The following RBM5 variants were observed in gnomAD, a reference collection of about 807,000 sequenced individuals.
RBM5 encodes RNA-binding protein 5.
A neutral mutation model predicts 124.6 loss-of-function variants in RBM5; 15 were observed. The ratio of observed to expected loss-of-function variants is 0.12; its 90% confidence interval spans 0.08 to 0.19. RBM5 has a LOEUF of 0.19. RBM5 is among the 10% of genes least tolerant of loss of function. The pLI is 1.00. For synonymous variants in RBM5, 337 were observed against 361.2 expected (o/e 0.93, Z 0.76); for missense variants, 580 against 1,026.5 (o/e 0.57, Z 5.94).
intron 22 of RBM5, chr3:50,116,698 T>A (rs1427298637): frequency 3.4e-6 from 1 of 297,314 alleles, no homozygotes; most frequent in South Asian, 3.2e-5. Flanking sequence ...GTTGGAGGTA[T>A]GCCTTTCCAA....
At chr3:50,108,197 G>A (rs1290612933) in intron 13 of RBM5, 35 bp from the exon 14 acceptor site, 1 of 1,604,152 alleles carries the variant, frequency 6.2e-7, no homozygotes, top group Non-Finnish European at 8.5e-7. Context: ...GAGTGTGTCT[G>A]AGAATAGCAG....
Position 50,115,519 on chromosome 3 carries a change from GGAA to G in RBM5, c.1937_1939del (p.Lys646del). On this transcript the variant is annotated inframe_deletion, in exon 21 of 25. Transcript: ENST00000347869. The stretch of plus-strand genomic sequence containing the variant: ...AGTGAGGAAGAGAAGCTAGCTGACT[GGAA>G]GAAGATGGCCTGTCTGCTCTGCCGG... 1 of 1,614,000 alleles carries G rather than the reference GGAA, an allele frequency of 6.2e-7. No individual in the cohort carries two copies. Among genetic ancestry groups the G allele is most frequent in the African/African-American group, 1.3e-5 (1 of 75,028 alleles).
chr3:50,110,091 A>G (rs1376327272), intron 15 of RBM5, among the ~76,000 whole-genome samples: 3 of 152,302 alleles, frequency 2.0e-5, no homozygotes, highest in East Asian at 1.9e-4. Flanking sequence ...CATGCCTGTA[A>G]TCCCAGCTAC....
At chr3:50,092,430 G>C (rs2090720076) in intron 3 of RBM5, among the ~76,000 whole-genome samples, 1 of 151,890 alleles carries the variant, frequency 6.6e-6, no homozygotes, top group South Asian at 2.1e-4. Context: ...GTGGGGTGGT[G>C]GGCGCCTGTA....
chr3:50,108,378 C>T, intron 14 of RBM5, 74 bp downstream of exon 14: 1 of 1,360,832 alleles, frequency 7.3e-7, no homozygotes, highest in Non-Finnish European at 1.0e-6. Context: ...AATGTCCTAA[C>T]TGGACCAAAA....
chr3:50,094,716 CTG>C (rs927639049), intron 4 of RBM5, among the ~76,000 whole-genome samples: 5 of 152,164 alleles, frequency 3.3e-5, no homozygotes, highest in Non-Finnish European at 7.3e-5. Context: ...GCCCTCTTGT[CTG>C]TGACCTTTCA....
intron 3 of RBM5, 111 bp downstream of exon 3, chr3:50,092,319 T>A: frequency 8.0e-7 from 1 of 1,254,002 alleles, no homozygotes. Context: ...CCTATCACTT[T>A]GGGAGGCCAA....
intron 4 of RBM5, among the ~76,000 whole-genome samples, chr3:50,095,321 A>G (rs547236237): frequency 1.5e-4 from 23 of 152,328 alleles, no homozygotes; most frequent in African/African-American, 3.8e-4. Context: ...AAGATAATCA[A>G]TATATTTTTA....
At position 50,103,201 on chromosome 3, in the gene RBM5, C is replaced by T. The variant is rs749497179; in HGVS notation, c.567+35C>T. 2.0e-6 allele frequency: 3 copies of T among 1,491,468 alleles called. No individual in the cohort carries two copies. In the East Asian group the frequency reaches 6.8e-5, roughly 34 times the overall value. The allele number at this position is 1,491,468 out of a possible 1,614,324, so 92.4% of individuals were successfully genotyped here. On this transcript the variant is annotated intron_variant, in intron 7 of 24. Coordinates refer to ENST00000347869, the MANE Select transcript of RBM5 (RefSeq NM_005778.4). ...TGTTCTTCCCAAATAGACAAAACTC[C>T]TTTAGGATATTGCTGTTTTTTTCTG...
chr3:50,115,272 C>A, intron 20 of RBM5, 156 bp from the exon 21 acceptor site: 1 of 856,056 alleles, frequency 1.2e-6, no homozygotes, highest in Non-Finnish European at 1.8e-6. Context: ...CTGACTGCTC[C>A]ACGCAGTTGA....
rs751289041 is a variant in RBM5, at chr3:50,093,781, A to T, written c.245A>T (p.Tyr82Phe). 2.5e-6 allele frequency: 4 copies of T among 1,613,970 alleles called. No individual in the cohort carries two copies. The Admixed American group carries it at 5.0e-5, about 20-fold the overall frequency. The change falls in exon 4 of 25, where the codon TAT becomes TTT. Residue 82 changes from tyrosine to phenylalanine, a missense_variant. Physicochemically the swap from Tyr to Phe is conservative, Grantham distance 22 (BLOSUM62 3). Transcript: ENST00000347869. Reference sequence around the variant, plus strand: ...GATGGCTACCATTCAGATGGTGACTATGGTGAGCACGACTATAGGCATGAC... The same window carrying T: ...GATGGCTACCATTCAGATGGTGACTTTGGTGAGCACGACTATAGGCATGAC... ...SEDGYHSDGD[Y>F]GEHDYRHDIS...
rs966863255 is a variant in RBM5 at position 50,105,817 on chromosome 3, G to T, written c.855+108G>T. 1.1e-5 allele frequency: 14 copies of T among 1,230,222 alleles called. 1 individual carries two copies. Among genetic ancestry groups the T allele is most frequent in the Non-Finnish European group, 1.6e-5 (14 of 896,114 alleles). 76.2% of individuals were successfully genotyped at this position (1,230,222 alleles called of 1,614,324 possible). On this transcript the variant is annotated intron_variant, in intron 10 of 24. Coordinates refer to ENST00000347869, the MANE Select transcript of RBM5 (RefSeq NM_005778.4). ...GAGGCTCCTAAAGCCCAAGATGCAAGGCTCCCTAATGACAGTTTTTGCACT... is the reference window on the plus strand; with the variant it reads ...GAGGCTCCTAAAGCCCAAGATGCAATGCTCCCTAATGACAGTTTTTGCACT...
chr3:50,105,400 AG>A, intron 9 of RBM5, 148 bp from the exon 10 acceptor site: 1 of 922,110 alleles, frequency 1.1e-6, no homozygotes, highest in Non-Finnish European at 1.6e-6. Flanking sequence ...CTTAAAAGAC[AG>A]GATTTTTAGA....
At chr3:50,104,963 G>A (rs989669220) in intron 8 of RBM5, 114 bp from the exon 9 acceptor site, 1 of 833,448 alleles carries the variant, frequency 1.2e-6, no homozygotes. Context: ...GCTTAAAAAA[G>A]AAAAAAACGA....
chr3:50,100,850 G>A lies in RBM5; in HGVS notation c.483+245G>A. 2 of 404,050 alleles carry A rather than the reference G, an allele frequency of 4.9e-6. No individual in the cohort carries two copies. The highest frequency in any genetic ancestry group is 3.9e-5 in the Admixed American group (1 of 25,450). The allele number at this position is 404,050 out of a possible 1,614,324, so 25.0% of individuals were successfully genotyped here. A position where few individuals can be genotyped will look rare whatever the true frequency, so the allele number is the denominator to read the frequency against. The stretch of plus-strand genomic sequence containing the variant: ...TTTGTTAACTACTGAATACCTGTCT[G>A]GTAATCACTAAAACATCTTAATGTT... On this transcript the variant is annotated intron_variant, in intron 6 of 24. Transcript: ENST00000347869. The surrounding 1 kb of genome is among the most constrained non-coding windows in gnomAD (Gnocchi z 5.1).
In RBM5 at chr3:50,117,169, T is replaced by A. The variant is rs769383459; in HGVS notation, c.2190T>A (p.Thr730=). The A allele has an allele frequency of 1.9e-6, 3 of 1,614,086 alleles. No individual in the cohort carries two copies. In the African/African-American group the frequency reaches 4.0e-5, roughly 22 times the overall value. ...PKRKKQFDAG[T]VNYEQPTKDG... Reference sequence around the variant, plus strand: ...GCAAGAAGCAGTTTGATGCCGGCACTGTGTATGTGATGTGCACATTTTCCA... The same window carrying A: ...GCAAGAAGCAGTTTGATGCCGGCACAGTGTATGTGATGTGCACATTTTCCA... The change falls in exon 23 of 25, where the codon ACT becomes ACA. Residue 730 remains threonine (T), a splice_region_variant and synonymous_variant. Transcript: ENST00000347869. The surrounding 1 kb of genome is among the most constrained non-coding windows in gnomAD (Gnocchi z 4.2).
rs1389977212 is a variant in RBM5 at position 50,097,571 on chromosome 3, T to C, written c.340-2411T>C. On this transcript the variant is annotated intron_variant, in intron 4 of 24. Coordinates refer to ENST00000347869, the MANE Select transcript of RBM5 (RefSeq NM_005778.4). ...CAGTGAGAATCTTGTTTCCACAAAT[T>C]TCACCCTGTTTTTTTTTTCATGGTA... Among the ~76,000 whole-genome samples, 4 of 152,052 alleles carry C rather than the reference T, an allele frequency of 2.6e-5. No individual in the cohort carries two copies. The East Asian group carries it at 7.7e-4, about 29-fold the overall frequency.
chr3:50,102,764 T>C (rs2090964938), intron 6 of RBM5: 2 of 313,304 alleles, frequency 6.4e-6, no homozygotes, highest in African/African-American at 4.5e-5. Context: ...TGAAGTAGAC[T>C]GTCACACTCA....
Position 50,090,415 on chromosome 3 carries a change from G to A in RBM5, c.-20G>A. ...AAATTTGAACCTTTTGGAGCTGTGT[G>A]CTAAATCTTCAGTGGGACAATGGGT... On this transcript the variant is annotated 5_prime_UTR_variant, in exon 2 of 25. Transcript: ENST00000347869. 6.2e-7 allele frequency: 1 copy of A among 1,613,834 alleles called. No homozygotes were observed. Among genetic ancestry groups the A allele is most frequent in the South Asian group, 1.1e-5 (1 of 91,044 alleles).
Sources: allele counts gnomAD v4.1 joint callset (sites outside exome capture counted in the v4.1 genomes callset), GRCh38; gene constraint gnomAD v4.1.1; non-coding constraint Gnocchi (gnomAD v3.1); transcripts MANE v1.5; gene names NCBI Gene and HGNC (gene_info 2026-07-23, HGNC 2026-07-21).